Variants in LOXHD1 observed in about 807,000 individuals in gnomAD.
LOXHD1 encodes the protein lipoxygenase homology domain-containing protein 1.
Under a neutral mutation model 248.2 loss-of-function variants are expected in LOXHD1, and 205 were observed. The ratio of observed to expected loss-of-function variants is 0.83; its 90% CI spans 0.74 to 0.93. The LOEUF (loss-of-function observed/expected upper bound fraction) is 0.93. Among genes scored for constraint, LOXHD1 ranks in the 40% least tolerant of loss-of-function variants. LOXHD1 has a pLI of 0.00. For synonymous variants in LOXHD1, 1,113 were observed against 1,162.8 expected, an observed-to-expected ratio of 0.96 and a Z score of 0.87; for missense variants, 2,930 against 2,971.6, an observed-to-expected ratio of 0.99 and a Z score of 0.33.
At chr18:46,546,175 T>G (rs957485379) in intron 22 of LOXHD1, among the ~76,000 whole-genome samples, 4 of 149,780 alleles carry the variant, frequency 2.7e-5, no homozygotes, top group Admixed American at 6.6e-5. Flanking sequence ...GGGAGCATCA[T>G]AGAACTCTTG....
chr18:46,541,580 A>G (rs1240768497), intron 25 of LOXHD1, among the ~76,000 whole-genome samples, 196 bp downstream of exon 25: 1 of 152,216 alleles, frequency 6.6e-6, no homozygotes, highest in African/African-American at 2.4e-5. Flanking sequence ...AATAAATTTC[A>G]TATTTTCATT....
At chr18:46,606,729 ATACATTT>A (rs2038419244) in intron 6 of LOXHD1, among the ~76,000 whole-genome samples, 2 of 152,202 alleles carry the variant, frequency 1.3e-5, no homozygotes, top group Non-Finnish European at 2.9e-5. Flanking sequence ...ATAGCATAAT[ATACATTT>A]TATATATTAC....
At chr18:46,627,142 A>C (rs977425250) in intron 4 of LOXHD1, among the ~76,000 whole-genome samples, 1 of 152,342 alleles carries the variant, frequency 6.6e-6, no homozygotes, top group East Asian at 1.9e-4. Flanking sequence ...TCTGTATTTC[A>C]GAAGAAACAG....
At chr18:46,547,516 C>T (rs1448911826) in intron 21 of LOXHD1, among the ~76,000 whole-genome samples, 6 of 152,124 alleles carry the variant, frequency 3.9e-5, no homozygotes, top group Non-Finnish European at 5.9e-5. Context: ...TCAGAAGGTA[C>T]AGAGAGTATG....
chr18:46,542,178 A>C (rs767661767), intron 24 of LOXHD1, among the ~76,000 whole-genome samples: 24 of 152,352 alleles, frequency 1.6e-4, no homozygotes, highest in African/African-American at 5.8e-4. Context: ...AAGAGCATCA[A>C]TAGGAGATGA....
At chr18:46,485,300 G>A (rs763785475) in intron 38 of LOXHD1, 149 bp from the exon 39 acceptor site, 4 of 826,056 alleles carry the variant, frequency 4.8e-6, no homozygotes, top group Non-Finnish European at 7.3e-6. Context: ...CACCACGATT[G>A]AGGCGTTGTA....
intron 4 of LOXHD1, among the ~76,000 whole-genome samples, chr18:46,619,051 T>G (rs2038630841): frequency 6.6e-6 from 1 of 152,150 alleles, no homozygotes; most frequent in African/African-American, 2.4e-5. Flanking sequence ...TCTCCCCAGC[T>G]GGAGCCTGCC....
chr18:46,508,879 C>A (rs1367554963), intron 35 of LOXHD1, among the ~76,000 whole-genome samples: 4 of 152,206 alleles, frequency 2.6e-5, no homozygotes, highest in African/African-American at 9.6e-5. Context: ...TGCAGCTTGG[C>A]CCTATGCCGT....
At position 46,598,062 on chromosome 18, in the gene LOXHD1, C is replaced by T. The variant is rs577628220; in HGVS notation, c.1134+3155G>A. On this transcript the variant is annotated intron_variant, in intron 8 of 40. Transcript: ENST00000642948. ...GATTACAAGATTGAACCACTGCGCC[C>T]GGCCAGAAAAATTCTATATTAAACT... Among the ~76,000 whole-genome samples the T allele has an allele frequency of 3.4e-4, 51 of 152,054 alleles. 1 individual carries two copies. The highest frequency in any genetic ancestry group is 1.0e-3 in the African/African-American group (42 of 41,490).
At chr18:46,542,199 G>A (rs1275207392) in intron 24 of LOXHD1, among the ~76,000 whole-genome samples, 1 of 152,200 alleles carries the variant, frequency 6.6e-6, no homozygotes. Context: ...CAGGAGAGTA[G>A]GGGGAGGCTG....
At chr18:46,560,048 T>TCCCAACCC in intron 19 of LOXHD1, 35 bp downstream of exon 19, 8 of 1,226,290 alleles carry the variant, frequency 6.5e-6, no homozygotes, top group Non-Finnish European at 7.9e-6. Flanking sequence ...GTCTGGCCAC[T>TCCCAACCC]CCCTCCCCAC....
chr18:46,525,864 A>G (rs2035803986), intron 29 of LOXHD1, among the ~76,000 whole-genome samples: 1 of 152,198 alleles, frequency 6.6e-6, no homozygotes, highest in Admixed American at 6.5e-5. Context: ...ACAGTCCAGG[A>G]CAGCAAGAGG....
intron 4 of LOXHD1, among the ~76,000 whole-genome samples, chr18:46,629,633 G>A (rs1011109545): frequency 1.3e-5 from 2 of 151,928 alleles, no homozygotes; most frequent in East Asian, 3.9e-4. Context: ...TCATTGTGTG[G>A]CACTGCATGG....
Position 46,558,633 on chromosome 18 carries a change from T to A in LOXHD1, c.3216+815A>T, listed in dbSNP as rs1460919848. ...TATGTTAATTAATTTAGTTCATTTTTAAAAAATCTGTGTTAATGAGAGAAT... is the reference window on the plus strand; with the variant it reads ...TATGTTAATTAATTTAGTTCATTTTAAAAAAATCTGTGTTAATGAGAGAAT... On this transcript the variant is annotated intron_variant, in intron 20 of 40. Transcript: ENST00000642948. Among the ~76,000 whole-genome samples, 6 of 152,194 alleles carry A rather than the reference T, an allele frequency of 3.9e-5. No homozygotes were observed. The South Asian group carries it at 6.2e-4, about 16-fold the overall frequency.
At chr18:46,601,812 A>C (rs2038344809) in intron 7 of LOXHD1, 2 of 325,968 alleles carry the variant, frequency 6.1e-6, no homozygotes, top group Non-Finnish European at 1.2e-5. Context: ...TGCGTACATT[A>C]TTAATAGCTG....
At chr18:46,500,720 C>T (rs1439180912) in intron 37 of LOXHD1, among the ~76,000 whole-genome samples, 3 of 152,126 alleles carry the variant, frequency 2.0e-5, no homozygotes, top group Admixed American at 2.0e-4. Flanking sequence ...TTGTAGCTTC[C>T]ACCCCTATTC....
At chr18:46,492,985 C>T (rs2033592407) in intron 37 of LOXHD1, among the ~76,000 whole-genome samples, 1 of 152,084 alleles carries the variant, frequency 6.6e-6, no homozygotes, top group Admixed American at 6.6e-5. Flanking sequence ...CATATAAAAT[C>T]CCCCAATGGC....
At chr18:46,548,853 A>T (rs969290779) in intron 21 of LOXHD1, among the ~76,000 whole-genome samples, 1 of 152,162 alleles carries the variant, frequency 6.6e-6, no homozygotes, top group Non-Finnish European at 1.5e-5. Context: ...ATGCACACAG[A>T]GTCTGGATTT....
At chr18:46,617,541 T>C (rs1388234635) in intron 5 of LOXHD1, among the ~76,000 whole-genome samples, 1 of 143,174 alleles carries the variant, frequency 7.0e-6, no homozygotes, top group Non-Finnish European at 1.5e-5. Context: ...AGATTTCTCT[T>C]TTTTTTTTTT....
Sources: allele counts gnomAD v4.1 joint callset (sites outside exome capture counted in the v4.1 genomes callset), GRCh38; gene constraint gnomAD v4.1.1; transcripts MANE v1.5; gene names NCBI Gene and HGNC (gene_info 2026-07-23, HGNC 2026-07-21).